KATNAL2: variants seen among roughly 807,000 people sequenced by gnomAD.
KATNAL2 encodes the protein katanin p60 ATPase-containing subunit A-like 2.
KATNAL2 carries 52 observed loss-of-function variants against 76.3 expected under a neutral mutation model. That is an observed-to-expected ratio of 0.68 (90% CI 0.55 to 0.86). The LOEUF is 0.86. KATNAL2 is among the 40% of genes least tolerant of loss of function. The pLI is 0.00. For synonymous variants in KATNAL2, 243 were observed against 244.2 expected (o/e 1.00, Z 0.05); for missense variants, 660 against 668.9 (o/e 0.99, Z 0.15).
At chr18:47,054,305 A>AC in intron 5 of KATNAL2, 91 bp from the exon 6 acceptor site, 1 of 1,148,330 alleles carries the variant, frequency 8.7e-7, no homozygotes, top group Non-Finnish European at 1.3e-6. Context: ...AATTTTAAGA[A>AC]CAATGCAAAA....
Position 47,034,817 on chromosome 18 carries a change from C to G in KATNAL2, c.52-11640C>G. The G allele has an allele frequency of 6.2e-7, 1 of 1,612,146 alleles. No individual in the cohort carries two copies. The highest frequency in any genetic ancestry group is 8.5e-7 in the Non-Finnish European group (1 of 1,179,696). On this transcript the variant is annotated intron_variant, in intron 3 of 17. Transcript: ENST00000683218. Reference sequence around the variant, plus strand: ...GGGCACTTTCTCTCAGCTCTGGGCTCGCGACTGTGAGACCTCGGGTGAGGT... The same window carrying G: ...GGGCACTTTCTCTCAGCTCTGGGCTGGCGACTGTGAGACCTCGGGTGAGGT...
At chr18:46,946,791 A>G (rs1405089753) in intron 2 of KATNAL2, 63 bp from the exon 3 acceptor site, 11 of 1,404,932 alleles carry the variant, frequency 7.8e-6, no homozygotes, top group Non-Finnish European at 1.1e-5. Context: ...GGGCTGGTTA[A>G]GCGTCAGGTT....
Position 47,082,922 on chromosome 18 carries a change from A to G in KATNAL2, c.1211+5461A>G, listed in dbSNP as rs536109417. Among the ~76,000 whole-genome samples the G allele has an allele frequency of 4.6e-5, 7 of 152,322 alleles. No individual in the cohort carries two copies. The East Asian group carries it at 1.3e-3, about 29-fold the overall frequency. ...ACTAGTGTCCTGCTTTCATTACTTAACATGACAGCAAGAACATTTCCAATG... is the reference window on the plus strand; with the variant it reads ...ACTAGTGTCCTGCTTTCATTACTTAGCATGACAGCAAGAACATTTCCAATG... On this transcript the variant is annotated intron_variant, in intron 15 of 17. Transcript: ENST00000683218.
chr18:46,933,982 A>G (rs1240977266), intron 1 of KATNAL2, among the ~76,000 whole-genome samples: 1 of 141,086 alleles, frequency 7.1e-6, no homozygotes, highest in Non-Finnish European at 1.6e-5. Context: ...TGAACTCATC[A>G]TTTTTTATGG....
intron 11 of KATNAL2, among the ~76,000 whole-genome samples, chr18:47,067,945 G>C (rs1478430147): frequency 6.6e-5 from 10 of 152,272 alleles, no homozygotes; most frequent in African/African-American, 2.4e-4. Context: ...CAAGCAGTAC[G>C]GCCAAGGTGT....
chr18:46,925,735 G>A (rs1022202973), intron 1 of KATNAL2, among the ~76,000 whole-genome samples: 4 of 152,182 alleles, frequency 2.6e-5, no homozygotes, highest in African/African-American at 9.6e-5. Flanking sequence ...TGGTTGTTAA[G>A]CTATTGATAA....
chr18:47,059,492 A>G, intron 7 of KATNAL2, 64 bp from the exon 8 acceptor site: 1 of 1,074,076 alleles, frequency 9.3e-7, no homozygotes, highest in Non-Finnish European at 1.4e-6. Flanking sequence ...TGGAGTAGGC[A>G]GGTACATCCA....
At chr18:47,080,002 T>C (rs780190598) in intron 15 of KATNAL2, among the ~76,000 whole-genome samples, 3 of 152,182 alleles carry the variant, frequency 2.0e-5, no homozygotes, top group Non-Finnish European at 2.9e-5. Context: ...TGAGCATCCA[T>C]TGATGACCTC....
At chr18:47,068,033 C>T (rs1029952687) in intron 11 of KATNAL2, among the ~76,000 whole-genome samples, 1 of 152,198 alleles carries the variant, frequency 6.6e-6, no homozygotes, top group Non-Finnish European at 1.5e-5. Flanking sequence ...CAGAAAGAGG[C>T]AAGAAAGGGA....
chr18:47,066,987 C>T (rs1230112183), intron 10 of KATNAL2, 34 bp from the exon 11 acceptor site: 1 of 1,279,598 alleles, frequency 7.8e-7, no homozygotes, highest in Non-Finnish European at 1.1e-6. Flanking sequence ...AGGAAAACAT[C>T]AGTTTTAAAA....
At chr18:47,031,951 C>A (rs1254909263) in intron 3 of KATNAL2, among the ~76,000 whole-genome samples, 4 of 152,276 alleles carry the variant, frequency 2.6e-5, no homozygotes, top group East Asian at 1.9e-4. Context: ...GTGAGGCCAA[C>A]AAATGCCCTG....
At chr18:46,939,644 G>C (rs1406141914) in intron 1 of KATNAL2, among the ~76,000 whole-genome samples, 2 of 152,168 alleles carry the variant, frequency 1.3e-5, no homozygotes, top group Non-Finnish European at 2.9e-5. Flanking sequence ...TGATTTGAAA[G>C]CAACACTGAT....
chr18:47,080,861 T>C (rs1475590232), intron 15 of KATNAL2, among the ~76,000 whole-genome samples: 10 of 152,202 alleles, frequency 6.6e-5, no homozygotes, highest in Non-Finnish European at 1.5e-4. Context: ...AAATCCTTTG[T>C]CCACTTTAAA....
intron 15 of KATNAL2, among the ~76,000 whole-genome samples, chr18:47,094,557 A>T (rs1185635055): frequency 6.6e-6 from 1 of 152,200 alleles, no homozygotes; most frequent in Non-Finnish European, 1.5e-5. Flanking sequence ...GGGGTACATT[A>T]ACAAAACCCA....
rs144669554 is a variant in KATNAL2, at chr18:47,081,984, T to C, written c.1211+4523T>C. ...TTTAGGATTAATATATTTGATTTTA[T>C]ATTGGTATCTTTTCTCTAATAGTGA... On this transcript the variant is annotated intron_variant, in intron 15 of 17. Transcript: ENST00000683218. Among the ~76,000 whole-genome samples, 117 of 152,370 alleles carry C rather than the reference T, an allele frequency of 7.7e-4. 1 individual carries two copies. Among genetic ancestry groups the C allele is most frequent in the African/African-American group, 2.7e-3 (114 of 41,594 alleles).
intron 3 of KATNAL2, chr18:47,035,384 G>A (rs2060723855): frequency 6.5e-7 from 1 of 1,539,398 alleles, no homozygotes; most frequent in African/African-American, 1.4e-5. Context: ...GCGACCTCGG[G>A]ATGTGGAGTC....
chr18:47,033,205 C>G, intron 3 of KATNAL2: 1 of 1,614,080 alleles, frequency 6.2e-7, no homozygotes, highest in South Asian at 1.1e-5. Context: ...GCTGCTCTGG[C>G]TGGAGGGAGT....
chr18:46,951,707 A>T (rs1019086033), intron 3 of KATNAL2, among the ~76,000 whole-genome samples: 1 of 152,124 alleles, frequency 6.6e-6, no homozygotes, highest in Non-Finnish European at 1.5e-5. Flanking sequence ...TTGATTGGTG[A>T]TTTGGCTCAG....
intron 3 of KATNAL2, chr18:47,032,428 T>C (rs1343525475): frequency 6.0e-6 from 1 of 166,118 alleles, no homozygotes; most frequent in African/African-American, 2.4e-5. Context: ...TGATATCTTT[T>C]GCAGAGACGG....
Sources: allele counts gnomAD v4.1 joint callset (sites outside exome capture counted in the v4.1 genomes callset), GRCh38; gene constraint gnomAD v4.1.1; transcripts MANE v1.5; gene names NCBI Gene and HGNC (gene_info 2026-07-23, HGNC 2026-07-21).